Variants in DENND1A observed in about 807,000 individuals in gnomAD.
DENND1A encodes DENN domain containing 1A.
A neutral mutation model predicts 113.7 loss-of-function variants in DENND1A; 51 were observed. The ratio of observed to expected loss-of-function variants is 0.45; its 90% CI spans 0.36 to 0.57. The LOEUF (loss-of-function observed/expected upper bound fraction) is 0.57, where lower values mean the gene tolerates loss of function less well. DENND1A is among the 20% of genes least tolerant of loss of function. DENND1A has a pLI of 0.00. For missense variants in DENND1A, 1,258 were observed against 1,395.9 expected (o/e 0.90, Z 1.57); for synonymous variants, 565 against 570.8 (o/e 0.99, Z 0.14).
intron 10 of DENND1A, among the ~76,000 whole-genome samples, chr9:123,620,415 A>G (rs969004762): frequency 2.0e-5 from 3 of 151,924 alleles, no homozygotes; most frequent in Admixed American, 6.5e-5. Context: ...CAGGCTCCTC[A>G]TGTACAGCAA....
intron 5 of DENND1A, among the ~76,000 whole-genome samples, chr9:123,745,989 AC>A (rs2131206360): frequency 6.6e-6 from 1 of 152,370 alleles, no homozygotes; most frequent in African/African-American, 2.4e-5. Flanking sequence ...TCAAAACCAA[AC>A]AAAGCTATAC....
chr9:123,725,826 T>G (rs189400426), intron 5 of DENND1A, among the ~76,000 whole-genome samples: 2 of 152,364 alleles, frequency 1.3e-5, no homozygotes, highest in Admixed American at 1.3e-4. Flanking sequence ...TGTCACAAAT[T>G]ATGCCATGGA....
At chr9:123,536,870 G>A (rs1165898052) in intron 13 of DENND1A, among the ~76,000 whole-genome samples, 3 of 152,128 alleles carry the variant, frequency 2.0e-5, no homozygotes, top group African/African-American at 7.2e-5. Context: ...CAACAGAAGA[G>A]CTGTTAACTC....
At chr9:123,456,617 C>A (rs1187400152) in intron 15 of DENND1A, among the ~76,000 whole-genome samples, 3 of 152,160 alleles carry the variant, frequency 2.0e-5, no homozygotes, top group African/African-American at 7.2e-5. Flanking sequence ...TTGAGACCAG[C>A]CTGACCAACA....
chr9:123,540,805 T>G (rs1564680608), intron 13 of DENND1A, among the ~76,000 whole-genome samples: 1 of 152,168 alleles, frequency 6.6e-6, no homozygotes, highest in Non-Finnish European at 1.5e-5. Context: ...AATTATCAGC[T>G]TTAGACTAAG....
At chr9:123,807,838 TCCC>T in intron 2 of DENND1A, among the ~76,000 whole-genome samples, 1 of 152,202 alleles carries the variant, frequency 6.6e-6, no homozygotes, top group Non-Finnish European at 1.5e-5. Context: ...AGTGTTGCTA[TCCC>T]CAGAAGATCA....
chr9:123,610,108 C>T (rs556178244), intron 10 of DENND1A, among the ~76,000 whole-genome samples: 3 of 152,194 alleles, frequency 2.0e-5, no homozygotes, highest in Admixed American at 6.5e-5. Flanking sequence ...GCTTCATTCA[C>T]GGAGCCACGG....
chr9:123,826,273 T>C (rs1428832618), intron 2 of DENND1A, among the ~76,000 whole-genome samples: 1 of 152,086 alleles, frequency 6.6e-6, no homozygotes, highest in East Asian at 1.9e-4. Context: ...TGCAGTGGTT[T>C]GCACCTGTAG....
intron 5 of DENND1A, among the ~76,000 whole-genome samples, chr9:123,700,843 G>T (rs1023693033): frequency 6.6e-6 from 1 of 152,016 alleles, no homozygotes; most frequent in African/African-American, 2.4e-5. Flanking sequence ...CCATCAGCCT[G>T]GTATATCTAT....
intron 6 of DENND1A, among the ~76,000 whole-genome samples, chr9:123,671,939 T>C (rs2063785570): frequency 6.6e-6 from 1 of 152,246 alleles, no homozygotes; most frequent in East Asian, 1.9e-4. Flanking sequence ...ATTATTTGAT[T>C]GAAAATGGAT....
At position 123,684,992 on chromosome 9, in the gene DENND1A, G is replaced by C. The variant is rs12335849; in HGVS notation, c.303-8203C>G. On this transcript the variant is annotated intron_variant, in intron 5 of 23. Coordinates refer to ENST00000394215, the MANE Select transcript of DENND1A (RefSeq NM_001352964.2). Reference sequence around the variant, plus strand: ...AGAGGAAGTGACACCTCACTGATCAGCTTGACACTGATTGCAAAGTCAGGA... The same window carrying C: ...AGAGGAAGTGACACCTCACTGATCACCTTGACACTGATTGCAAAGTCAGGA... 6.3e-3 allele frequency among the ~76,000 whole-genome samples: 964 copies of C among 152,292 alleles called. 14 individuals carry two copies. Among genetic ancestry groups the C allele is most frequent in the African/African-American group, 0.022 (914 of 41,552 alleles).
At chr9:123,781,236 C>T (rs1046883508) in intron 3 of DENND1A, among the ~76,000 whole-genome samples, 10 of 152,180 alleles carry the variant, frequency 6.6e-5, no homozygotes, top group Admixed American at 2.6e-4. Context: ...CCCAGGACAT[C>T]CCAGTTATGC....
At chr9:123,706,664 G>A (rs976897344) in intron 5 of DENND1A, among the ~76,000 whole-genome samples, 1 of 150,522 alleles carries the variant, frequency 6.6e-6, no homozygotes, top group Non-Finnish European at 1.5e-5. Flanking sequence ...CCAGCTACTC[G>A]GGAGGCTGAG....
intron 13 of DENND1A, among the ~76,000 whole-genome samples, chr9:123,489,876 C>T (rs1191535228): frequency 2.0e-5 from 3 of 152,216 alleles, no homozygotes; most frequent in Non-Finnish European, 4.4e-5. Flanking sequence ...GGTGAAGGTG[C>T]TTTGTACGCT....
intron 5 of DENND1A, among the ~76,000 whole-genome samples, chr9:123,736,175 A>G (rs2068547841): frequency 6.6e-6 from 1 of 152,230 alleles, no homozygotes; most frequent in Non-Finnish European, 1.5e-5. Flanking sequence ...CAAATAAACA[A>G]AAGAAGGTCT....
In DENND1A at chr9:123,414,151, C is replaced by T. The variant is rs1017720599; in HGVS notation, c.1489-2322G>A. The T allele has an allele frequency of 6.0e-6, 6 of 1,006,710 alleles. No individual in the cohort carries two copies. In the Admixed American group the frequency reaches 2.1e-4, roughly 35 times the overall value. 62.4% of individuals were successfully genotyped at this position (1,006,710 alleles called of 1,614,324 possible). On this transcript the variant is annotated intron_variant, in intron 19 of 23. Transcript: ENST00000394215. The stretch of plus-strand genomic sequence containing the variant: ...GAGAACCCCAGTTCTCCCATTTACT[C>T]CCTGGGTTACTCCAGGCCCACGATT...
chr9:123,905,569 A>G (rs1160942945), intron 1 of DENND1A, among the ~76,000 whole-genome samples: 7 of 139,376 alleles, frequency 5.0e-5, no homozygotes, highest in South Asian at 5.1e-4. Flanking sequence ...AGTCTCTGAT[A>G]AAACAGACTT....
rs1308057353 is a variant in DENND1A at position 123,635,857 on chromosome 9, A to G, written c.619-5381T>C. Among the ~76,000 whole-genome samples the G allele has an allele frequency of 2.6e-5, 4 of 152,124 alleles. No individual in the cohort carries two copies. The East Asian group carries it at 7.7e-4, about 29-fold the overall frequency. On this transcript the variant is annotated intron_variant, in intron 9 of 23. Transcript: ENST00000394215. ...TGTTCCCTTTCACATACTTGCTCCG[A>G]GTCTTCTGCTAACTTTTTGACCTGG...
At chr9:123,918,286 A>G (rs1229589910) in intron 1 of DENND1A, among the ~76,000 whole-genome samples, 2 of 151,120 alleles carry the variant, frequency 1.3e-5, no homozygotes, top group African/African-American at 4.9e-5. Context: ...CAGGAGATCG[A>G]GACCATCCTG....
Sources: allele counts gnomAD v4.1 joint callset (sites outside exome capture counted in the v4.1 genomes callset), GRCh38; gene constraint gnomAD v4.1.1; transcripts MANE v1.5; gene names NCBI Gene and HGNC (gene_info 2026-07-23, HGNC 2026-07-21).